DHRS4L2: variants seen among roughly 807,000 people sequenced by gnomAD.
DHRS4L2 encodes the protein dehydrogenase/reductase SDR family member 4-like 2.
DHRS4L2 carries 22 observed loss-of-function variants against 23.9 expected under a neutral mutation model. That is an observed-to-expected ratio of 0.92 (90% CI 0.66 to 1.31). The LOEUF (loss-of-function observed/expected upper bound fraction) is 1.31. Among genes scored for constraint, DHRS4L2 ranks in the 40% most tolerant of loss-of-function variants. The pLI, the probability that DHRS4L2 is intolerant of heterozygous loss-of-function variation, is 0.00. For missense variants in DHRS4L2, 385 were observed against 303.3 expected (o/e 1.27, Z -2.00); for synonymous variants, 141 against 123.7 (o/e 1.14, Z -0.93).
Position 24,004,321 on chromosome 14 carries a change from T to A in DHRS4L2, c.666-16T>A, listed in dbSNP as rs1309306953. On this transcript the variant is annotated splice_polypyrimidine_tract_variant and intron_variant, in intron 6 of 7. Coordinates refer to ENST00000335125, the MANE Select transcript of DHRS4L2 (RefSeq NM_198083.4). ...AAAGAAAAAAAAACATAAAGAGATT[T>A]CCCTTCTTCCTACAGCTCTGGATGG... The A allele has an allele frequency of 6.3e-7, 1 of 1,581,654 alleles. No individual in the cohort carries two copies.
At chr14:23,988,772 T>G (rs1346923780), upstream of DHRS4L2, 11 of 1,402,932 alleles carry the variant, frequency 7.8e-6, no homozygotes, top group Admixed American at 2.0e-4. Context: ...GGTAGCTGGC[T>G]GCGGGGCGGG....
At chr14:23,996,877 C>A (rs2034393625) in intron 3 of DHRS4L2, among the ~76,000 whole-genome samples, 1 of 151,994 alleles carries the variant, frequency 6.6e-6, no homozygotes, top group Admixed American at 6.5e-5. Context: ...TCAACTGATC[C>A]CCACACCTCA....
At chr14:23,994,731 G>A (rs1357095434) in intron 2 of DHRS4L2, among the ~76,000 whole-genome samples, 1 of 151,754 alleles carries the variant, frequency 6.6e-6, no homozygotes, top group African/African-American at 2.4e-5. Flanking sequence ...GCAGATCTTA[G>A]GGTAGTTTTC....
At chr14:23,995,163 G>C (rs2034355119) in intron 3 of DHRS4L2, 30 bp downstream of exon 3, 4 of 1,608,432 alleles carry the variant, frequency 2.5e-6, no homozygotes, top group Admixed American at 1.7e-5. Flanking sequence ...GCGCGGAAGG[G>C]GGCCTCGGGA....
intron 1 of DHRS4L2, among the ~76,000 whole-genome samples, chr14:23,974,959 T>G (rs2033939127): frequency 1.3e-5 from 2 of 151,754 alleles, no homozygotes; most frequent in African/African-American, 4.8e-5. Context: ...AAAGAAAATT[T>G]TAGGCCAGTA....
chr14:23,988,669 G>C, upstream of DHRS4L2: 1 of 694,110 alleles, frequency 1.4e-6, no homozygotes, highest in Non-Finnish European at 2.0e-6. Context: ...GTTCCTGCGG[G>C]GGCCAGGGGA....
intron 1 of DHRS4L2, among the ~76,000 whole-genome samples, chr14:23,972,505 A>C (rs2033880951): frequency 6.6e-6 from 1 of 151,958 alleles, no homozygotes; most frequent in Non-Finnish European, 1.5e-5. Context: ...AGCAAGATTT[A>C]TTGCAAAGAG....
upstream of DHRS4L2, among the ~76,000 whole-genome samples, chr14:23,986,046 C>T (rs1442652641): frequency 1.3e-5 from 2 of 151,484 alleles, no homozygotes; most frequent in Middle Eastern, 3.4e-3. Context: ...TCAGTAGAGA[C>T]GAGGTTTCAT....
chr14:23,975,675 A>T (rs1311067855), intron 1 of DHRS4L2, among the ~76,000 whole-genome samples: 2 of 151,842 alleles, frequency 1.3e-5, no homozygotes, highest in Non-Finnish European at 2.9e-5. Context: ...ACCTGACTTC[A>T]AACTATACTG....
chr14:23,986,424 G>A (rs547471380), upstream of DHRS4L2, among the ~76,000 whole-genome samples: 2 of 150,918 alleles, frequency 1.3e-5, no homozygotes, highest in African/African-American at 2.4e-5. Context: ...GAGTTAACGG[G>A]TGCAGCACAC....
upstream of DHRS4L2, among the ~76,000 whole-genome samples, chr14:23,985,000 G>T (rs540800375): frequency 6.6e-6 from 1 of 151,280 alleles, no homozygotes; most frequent in South Asian, 2.1e-4. Context: ...AGGGAGAAAG[G>T]GGTGGTTGTC....
chr14:23,971,498 C>T (rs2033857020), intron 1 of DHRS4L2, among the ~76,000 whole-genome samples: 1 of 151,854 alleles, frequency 6.6e-6, no homozygotes, highest in South Asian at 2.1e-4. Context: ...ATACAGAGAA[C>T]ATCACAAAGA....
chr14:23,973,312 A>C (rs2033900635), intron 1 of DHRS4L2, among the ~76,000 whole-genome samples: 1 of 151,500 alleles, frequency 6.6e-6, no homozygotes, highest in African/African-American at 2.4e-5. Flanking sequence ...CCCACCCAGA[A>C]CTCGTGCTGG....
rs962603003 is a variant in DHRS4L2 at position 23,982,176 on chromosome 14, A to C, written c.-175-8006A>C. 2.4e-4 allele frequency among the ~76,000 whole-genome samples: 37 copies of C among 151,818 alleles called. 2 individuals are homozygous for C. Among genetic ancestry groups the C allele is most frequent in the African/African-American group, 8.7e-4 (36 of 41,418 alleles). ...TGGACAGTAACCAGCGTTGCAGGGC[A>C]GAGGTCCCTGCGGCTTTCCGCAGTG... On this transcript the variant is annotated intron_variant, in intron 1 of 5. Coordinates refer to the DHRS4L2 transcript ENST00000534993.
At position 23,992,489 on chromosome 14, in the gene DHRS4L2, A is replaced by G. The variant is rs994698321; in HGVS notation, c.306+2130A>G. Among the ~76,000 whole-genome samples, 81 of 151,508 alleles carry G rather than the reference A, an allele frequency of 5.3e-4. 3 individuals carry two copies. The highest frequency in any genetic ancestry group is 8.3e-4 in the Non-Finnish European group (56 of 67,844). On this transcript the variant is annotated intron_variant, in intron 2 of 7. Transcript: ENST00000335125. ...AATAAGAAAAGCCACTGCCCTGAGA[A>G]TGGATACTACCCAGTGGCCTCCTCA...
At chr14:24,005,379 C>T (rs878870083) in intron 7 of DHRS4L2, among the ~76,000 whole-genome samples, 2 of 151,474 alleles carry the variant, frequency 1.3e-5, no homozygotes, top group African/African-American at 4.9e-5. Flanking sequence ...TGTCTCCTAA[C>T]TATGCAGTCA....
At chr14:23,989,202 A>G (rs1329015607) in intron 1 of DHRS4L2, 127 bp downstream of exon 1, 16 of 1,469,620 alleles carry the variant, frequency 1.1e-5, no homozygotes, top group South Asian at 4.1e-5. Context: ...CATGGAAAAA[A>G]AGTAGCCACG....
At chr14:23,991,431 A>G (rs1046455349) in intron 2 of DHRS4L2, among the ~76,000 whole-genome samples, 2 of 151,808 alleles carry the variant, frequency 1.3e-5, no homozygotes, top group African/African-American at 4.8e-5. Context: ...ACCATACGAC[A>G]TGTAAGTAGC....
At chr14:23,972,101 C>T (rs970369226) in intron 1 of DHRS4L2, among the ~76,000 whole-genome samples, 1 of 152,000 alleles carries the variant, frequency 6.6e-6, no homozygotes, top group African/African-American at 2.4e-5. Context: ...CATGCAAAGA[C>T]ACACATAGGC....
Sources: allele counts gnomAD v4.1 joint callset (sites outside exome capture counted in the v4.1 genomes callset), GRCh38; gene constraint gnomAD v4.1.1; transcripts MANE v1.5; gene names NCBI Gene and HGNC (gene_info 2026-07-23, HGNC 2026-07-21).